Variants in HIP1 observed in about 807,000 individuals in gnomAD.
HIP1 encodes the protein huntingtin-interacting protein 1.
Under a neutral mutation model 147.6 loss-of-function variants are expected in HIP1, and 65 were observed. The observed-to-expected ratio is 0.44, with a 90% confidence interval of 0.36 to 0.54. The LOEUF (loss-of-function observed/expected upper bound fraction) is 0.54. Ranked by LOEUF, HIP1 falls within the 20% of genes least tolerant of loss-of-function variation. The pLI is 0.00. For missense variants in HIP1, 1,061 were observed against 1,299.6 expected, an observed-to-expected ratio of 0.82 and a Z score of 2.82; for synonymous variants, 479 against 504.0, an observed-to-expected ratio of 0.95 and a Z score of 0.67.
chr7:75,618,747 T>A (rs1361342800), intron 1 of HIP1, among the ~76,000 whole-genome samples: 2 of 152,206 alleles, frequency 1.3e-5, no homozygotes, highest in Non-Finnish European at 2.9e-5. Flanking sequence ...CTGGGTCTCT[T>A]GCAGTGTCCA....
At chr7:75,639,547 C>T (rs1342098309) in intron 1 of HIP1, among the ~76,000 whole-genome samples, 1 of 146,026 alleles carries the variant, frequency 6.8e-6, no homozygotes, top group Non-Finnish European at 1.5e-5. Context: ...GAGAGGCCGC[C>T]GGCCCGCCAG....
intron 29 of HIP1, among the ~76,000 whole-genome samples, chr7:75,539,677 C>T (rs760860962): frequency 1.3e-5 from 2 of 152,118 alleles, no homozygotes; most frequent in Non-Finnish European, 2.9e-5. Context: ...CCTCTTCTTC[C>T]ATATTATTCA....
chr7:75,719,570 A>C (rs1354524397), intron 1 of HIP1, among the ~76,000 whole-genome samples: 1 of 151,860 alleles, frequency 6.6e-6, no homozygotes, highest in African/African-American at 2.4e-5. Flanking sequence ...TGTCAGGCAC[A>C]ATGTTGAGGA....
At chr7:75,602,303 C>CAT (rs1338578461) in intron 1 of HIP1, among the ~76,000 whole-genome samples, 6 of 77,268 alleles carry the variant, frequency 7.8e-5, no homozygotes, top group Non-Finnish European at 1.4e-4. Flanking sequence ...ACCTGGCCAG[C>CAT]TTTTTTTTTT....
At chr7:75,595,187 CCTTTCTT>C (rs1257762656) in intron 2 of HIP1, among the ~76,000 whole-genome samples, 1 of 108,470 alleles carries the variant, frequency 9.2e-6, no homozygotes, top group Non-Finnish European at 2.0e-5. Flanking sequence ...GTGTAGGAGT[CCTTTCTT>C]TCTTTCTTTC....
At position 75,728,018 on chromosome 7, in the gene HIP1, C is replaced by A. The variant is rs1249016075; in HGVS notation, c.120+10783G>T. Among the ~76,000 whole-genome samples the A allele has an allele frequency of 2.0e-5, 3 of 152,174 alleles. No individual in the cohort carries two copies. The East Asian group carries it at 5.8e-4, about 29-fold the overall frequency. On this transcript the variant is annotated intron_variant, in intron 1 of 30. Coordinates refer to ENST00000336926, the MANE Select transcript of HIP1 (RefSeq NM_005338.7). ...TCAGTTCTGCCACTTCCTGAGTGCT[C>A]TCAAACAAGTCTTTTAATCTCTCTG...
At chr7:75,561,142 G>A (rs587722362) in intron 13 of HIP1, among the ~76,000 whole-genome samples, 187 bp downstream of exon 13, 23 of 151,730 alleles carry the variant, frequency 1.5e-4, no homozygotes, top group Non-Finnish European at 2.8e-4. Context: ...TATTGAAGAC[G>A]GGGGTTTCAC....
At chr7:75,645,761 A>G (rs952953309) in intron 1 of HIP1, among the ~76,000 whole-genome samples, 8 of 152,212 alleles carry the variant, frequency 5.3e-5, no homozygotes, top group African/African-American at 1.9e-4. Flanking sequence ...ATGCAGCCAT[A>G]AAAAAGAATG....
chr7:75,558,873 G>C (rs1795117573), intron 14 of HIP1, among the ~76,000 whole-genome samples: 1 of 152,174 alleles, frequency 6.6e-6, no homozygotes, highest in Admixed American at 6.6e-5. Flanking sequence ...ACAAAAATCA[G>C]CTGGACATGG....
chr7:75,600,177 C>T (rs1192056986), intron 1 of HIP1, among the ~76,000 whole-genome samples: 4 of 152,080 alleles, frequency 2.6e-5, no homozygotes, highest in Admixed American at 6.6e-5. Context: ...GTGGTGTGAT[C>T]GTGGCTCACT....
intron 1 of HIP1, among the ~76,000 whole-genome samples, chr7:75,638,478 G>A (rs1798518587): frequency 6.6e-6 from 1 of 152,096 alleles, no homozygotes; most frequent in Non-Finnish European, 1.5e-5. Flanking sequence ...AGGAGGCGAA[G>A]GTGTTGGCTG....
intron 1 of HIP1, among the ~76,000 whole-genome samples, chr7:75,628,626 G>A (rs1039148190): frequency 3.9e-5 from 6 of 152,042 alleles, no homozygotes; most frequent in African/African-American, 1.4e-4. Flanking sequence ...TTACAGGCAC[G>A]TGCTGCCGCA....
chr7:75,582,199 C>T (rs1554498751), intron 5 of HIP1, 48 bp from the exon 6 acceptor site: 1 of 1,486,562 alleles, frequency 6.7e-7, no homozygotes, highest in Admixed American at 1.7e-5. Context: ...ACATGAAGAG[C>T]CCTCTCTCAG....
At chr7:75,650,868 T>C (rs577262049) in intron 1 of HIP1, among the ~76,000 whole-genome samples, 1 of 152,150 alleles carries the variant, frequency 6.6e-6, no homozygotes, top group South Asian at 2.1e-4. Context: ...TAATTCCATG[T>C]TATCACGGCT....
At chr7:75,671,870 G>T (rs888389779) in intron 1 of HIP1, among the ~76,000 whole-genome samples, 1 of 152,140 alleles carries the variant, frequency 6.6e-6, no homozygotes, top group Admixed American at 6.6e-5. Flanking sequence ...AAGCAGCTGG[G>T]ATTACAGCTA....
intron 1 of HIP1, among the ~76,000 whole-genome samples, chr7:75,716,175 A>G (rs1439654965): frequency 6.6e-6 from 1 of 152,102 alleles, no homozygotes; most frequent in Non-Finnish European, 1.5e-5. Flanking sequence ...ATTACTTTCC[A>G]GTATGGAAAG....
intron 1 of HIP1, among the ~76,000 whole-genome samples, chr7:75,672,523 T>C (rs1309711867): frequency 6.6e-6 from 1 of 152,112 alleles, no homozygotes; most frequent in African/African-American, 2.4e-5. Context: ...AGATGGGGTT[T>C]CACCAAGTTC....
rs781828479 is a variant in HIP1, at chr7:75,547,021, C to T, written c.2477G>A (p.Cys826Tyr). 4 of 1,582,152 alleles carry T rather than the reference C, an allele frequency of 2.5e-6. No individual in the cohort carries two copies. Among genetic ancestry groups the T allele is most frequent in the Non-Finnish European group, 3.4e-6 (4 of 1,162,944 alleles). The change falls in exon 25 of 31, where the codon TGC becomes TAC. Residue 826 changes from cysteine (C) to tyrosine (Y), a missense_variant. Physicochemically the swap from Cys to Tyr is radical, Grantham distance 194 (BLOSUM62 -2). Around this residue, in one of 3 missense-constraint regions of HIP1, gnomAD observed 810 missense variants for 946.8 expected, o/e 0.86. Transcript: ENST00000336926. ...KLEVNERILGCCTSLMQAIQV... is the reference protein window; with the variant it reads ...KLEVNERILGYCTSLMQAIQV... ...AATAGCTTGCATGAGGCTGGTACAGCAACCAAGGATCCTGCCAAACAAACA... is the reference window on the plus strand; with the variant it reads ...AATAGCTTGCATGAGGCTGGTACAGTAACCAAGGATCCTGCCAAACAAACA...
chr7:75,676,953 G>A (rs1799913880), intron 1 of HIP1, among the ~76,000 whole-genome samples: 1 of 152,002 alleles, frequency 6.6e-6, no homozygotes, highest in South Asian at 2.1e-4. Context: ...CCAGCACTTT[G>A]GGAGGCCAAG....
Sources: gnomAD v4.1 joint callset for allele counts (sites outside exome capture counted in the v4.1 genomes callset) on GRCh38, gnomAD v4.1.1 for gene constraint, gnomAD v4.1.1 regional missense constraint, MANE v1.5 for transcripts, NCBI Gene and HGNC (gene_info 2026-07-23, HGNC 2026-07-21) for gene names.